The following CCDC40 variants were observed in gnomAD, a reference collection of about 807,000 sequenced individuals.
CCDC40 encodes coiled-coil domain-containing protein 40.
A neutral mutation model predicts 124.5 loss-of-function variants in CCDC40; 104 were observed. The ratio of observed to expected loss-of-function variants is 0.84; its 90% confidence interval spans 0.71 to 0.98. The LOEUF is 0.98. Ranked by LOEUF, CCDC40 falls within the 50% of genes least tolerant of loss-of-function variation. The pLI, the probability that CCDC40 is intolerant of heterozygous loss-of-function variation, is 0.00. For missense variants in CCDC40, 1,463 were observed against 1,503.9 expected, an observed-to-expected ratio of 0.97 and a Z score of 0.45; for synonymous variants, 580 against 602.9, an observed-to-expected ratio of 0.96 and a Z score of 0.56.
intron 10 of CCDC40, among the ~76,000 whole-genome samples, chr17:80,077,705 C>T (rs935211723): frequency 6.6e-6 from 1 of 152,202 alleles, no homozygotes; most frequent in African/African-American, 2.4e-5. Flanking sequence ...CATCGCCTTG[C>T]GGTCTGAGCC....
intron 7 of CCDC40, among the ~76,000 whole-genome samples, chr17:80,055,998 A>ATTT (rs1568682555): frequency 3.8e-4 from 2 of 5,304 alleles, no homozygotes; most frequent in Non-Finnish European, 9.2e-4. Flanking sequence ...ATATATATAT[A>ATTT]TATATATATA....
intron 1 of CCDC40, among the ~76,000 whole-genome samples, chr17:80,037,690 G>GATATATATATATAT (rs757748232): frequency 0.041 from 3,777 of 91,566 alleles, 342 homozygotes; most frequent in East Asian, 0.053. Context: ...TTTTAAAAAA[G>GATATATATATATAT]ATATACATAT....
Position 80,099,857 on chromosome 17 carries a change from G to A in CCDC40, c.*82G>A, listed in dbSNP as rs2038888452. ...TGTCATGAGGGACTTGGAATCTTTT[G>A]TGTTCCTAAAAACCACATGTACCCT... is the stretch of plus-strand genomic sequence containing the variant. On this transcript the variant is annotated 3_prime_UTR_variant, in exon 20 of 20. Coordinates refer to ENST00000397545, the MANE Select transcript of CCDC40 (RefSeq NM_017950.4). 2 of 1,526,972 alleles carry A rather than the reference G, an allele frequency of 1.3e-6. No individual in the cohort carries two copies. The highest frequency in any genetic ancestry group is 2.3e-5 in the South Asian group (2 of 87,210). The allele number at this position is 1,526,972 out of a possible 1,614,324, so 94.6% of individuals were successfully genotyped here.
At chr17:80,079,211 G>A (rs2038388142) in intron 10 of CCDC40, among the ~76,000 whole-genome samples, 1 of 152,092 alleles carries the variant, frequency 6.6e-6, no homozygotes, top group Admixed American at 6.6e-5. Flanking sequence ...TAGTCAGAAA[G>A]TACTTTCTTC....
Position 80,087,742 on chromosome 17 carries a change from G to C in CCDC40, c.2585G>C (p.Arg862Pro), listed in dbSNP as rs755608579. The change falls in exon 15 of 20, where the codon CGG (arginine) becomes CCG (proline). Residue 862 changes from arginine to proline, a missense_variant. Transcript: ENST00000397545. This position sits in a 1 kb window ranked among gnomAD's most constrained non-coding sequence, Gnocchi z 4.5. ...CSSEELEQNN[R>P]VTENEFVRSL... ...TCGGAGGAGCTGGAGCAGAACAACCGGGTGACAGAGAATGAGTTCGTGCGC... is the reference window on the plus strand; with the variant it reads ...TCGGAGGAGCTGGAGCAGAACAACCCGGTGACAGAGAATGAGTTCGTGCGC... 3.7e-6 allele frequency: 6 copies of C among 1,613,998 alleles called. No homozygotes were observed. The highest frequency in any genetic ancestry group is 5.1e-6 in the Non-Finnish European group (6 of 1,180,008).
At chr17:80,064,990 T>C (rs145913008) in intron 9 of CCDC40, among the ~76,000 whole-genome samples, 2,162 of 151,624 alleles carry the variant, frequency 0.014, 55 homozygotes, top group African/African-American at 0.05. Flanking sequence ...TCACGGATGC[T>C]GGCCAGGATC....
chr17:80,056,006 A>ATTTTTTT lies in CCDC40; in HGVS notation c.1160-2487_1160-2486insTTTTTTT, dbSNP rs1323101032. Among the ~76,000 whole-genome samples the ATTTTTTT allele has an allele frequency of 1.9e-3, 17 of 9,126 alleles. 1 individual carries two copies. The highest frequency in any genetic ancestry group is 3.2e-3 in the Admixed American group (1 of 316). 6.0% of individuals were successfully genotyped at this position (9,126 alleles called of 152,430 possible). On this transcript the variant is annotated intron_variant, in intron 7 of 19. Transcript: ENST00000397545. ...CATATATATATATATATATATATAT[A>ATTTTTTT]TATATATATATTTTTTTTTTTTTTT...
intron 10 of CCDC40, among the ~76,000 whole-genome samples, chr17:80,068,888 C>T (rs1415849561): frequency 1.3e-5 from 2 of 152,240 alleles, no homozygotes; most frequent in East Asian, 3.8e-4. Context: ...GGGGAGGACA[C>T]AGGAGCGGAT....
At position 80,086,059 on chromosome 17, in the gene CCDC40, C is replaced by T. The variant is rs758047721; in HGVS notation, c.2292C>T (p.Asp764=). ...TCAAAAGGCTGAGCAAGCTGATCGACGAGCACGATGGCAAGGCGGTCCAGG... is the reference window on the plus strand; with the variant it reads ...TCAAAAGGCTGAGCAAGCTGATCGATGAGCACGATGGCAAGGCGGTCCAGG... ...LEIKRLSKLI[D]EHDGKAVQAQ... The change falls in exon 14 of 20, where the codon GAC becomes GAT. Residue 764 remains aspartate, a synonymous_variant. Transcript: ENST00000397545. This position sits in a 1 kb window ranked among gnomAD's most constrained non-coding sequence, Gnocchi z 5.5. The T allele has an allele frequency of 7.6e-5, 122 of 1,614,128 alleles. No homozygotes were observed. Among genetic ancestry groups the T allele is most frequent in the Non-Finnish European group, 9.7e-5 (115 of 1,180,030 alleles).
In CCDC40 at chr17:80,066,466, A is replaced by G; in HGVS notation, c.1562+860A>G. The G allele has an allele frequency of 2.7e-6, 1 of 368,124 alleles. No individual in the cohort carries two copies. Among genetic ancestry groups the G allele is most frequent in the Non-Finnish European group, 5.0e-6 (1 of 201,898 alleles). 22.8% of individuals were successfully genotyped at this position (368,124 alleles called of 1,614,324 possible). A position where few individuals can be genotyped will look rare whatever the true frequency, so the allele number is the denominator to read the frequency against. ...AAATGAATAATATTGGATTAACCAT[A>G]CTCATTTCTGGCCAGGCGCAGTGGC... On this transcript the variant is annotated intron_variant, in intron 10 of 19. Transcript: ENST00000397545. This position sits in a 1 kb window ranked among gnomAD's most constrained non-coding sequence, Gnocchi z 4.4.
chr17:80,070,701 G>A (rs1283875376), intron 10 of CCDC40, among the ~76,000 whole-genome samples: 1 of 151,932 alleles, frequency 6.6e-6, no homozygotes, highest in Non-Finnish European at 1.5e-5. Context: ...GAGCCCAGGA[G>A]GTCGAGGCTG....
At chr17:80,079,048 C>T (rs1444297339) in intron 10 of CCDC40, among the ~76,000 whole-genome samples, 1 of 151,792 alleles carries the variant, frequency 6.6e-6, no homozygotes, top group Non-Finnish European at 1.5e-5. Context: ...ATTCTCATGC[C>T]TCAGTGTACC....
At chr17:80,061,416 G>A (rs943074684) in intron 9 of CCDC40, among the ~76,000 whole-genome samples, 6 of 152,188 alleles carry the variant, frequency 3.9e-5, no homozygotes, top group African/African-American at 1.4e-4. Flanking sequence ...GATTAAGGAC[G>A]CCACAAACCA....
Position 80,066,962 on chromosome 17 carries a change from G to A in CCDC40, c.1562+1356G>A, listed in dbSNP as rs2038062014. 6.6e-6 allele frequency: 1 copy of A among 152,634 alleles called. No individual in the cohort carries two copies. Among genetic ancestry groups the A allele is most frequent in the African/African-American group, 2.4e-5 (1 of 41,434 alleles). The allele number at this position is 152,634 out of a possible 1,614,324, so 9.5% of individuals were successfully genotyped here. On this transcript the variant is annotated intron_variant, in intron 10 of 19. Coordinates refer to ENST00000397545, the MANE Select transcript of CCDC40 (RefSeq NM_017950.4). This position sits in a 1 kb window ranked among gnomAD's most constrained non-coding sequence, Gnocchi z 4.4. ...GGTTGCCTGAACACCAGGACGAGAGGACTTGGCCATCTGCCCACTTGGGTG... is the reference window on the plus strand; with the variant it reads ...GGTTGCCTGAACACCAGGACGAGAGAACTTGGCCATCTGCCCACTTGGGTG...
In CCDC40 at chr17:80,040,206, A is replaced by T; in HGVS notation, c.488A>T (p.His163Leu). 6.2e-7 allele frequency: 1 copy of T among 1,614,036 alleles called. No homozygotes were observed. The highest frequency in any genetic ancestry group is 8.5e-7 in the Non-Finnish European group (1 of 1,179,978). The change falls in exon 3 of 20, where the codon CAC becomes CTC. Residue 163 changes from histidine to leucine, a missense_variant. Physicochemically the swap from His to Leu is moderately conservative, Grantham distance 99 (BLOSUM62 -3). Coordinates refer to ENST00000397545, the MANE Select transcript of CCDC40 (RefSeq NM_017950.4). ...AGGGTCACCTCCCCAGAGCCATCCC[A>T]CGGAGTCTTAGGCCCGTCGGAGCAA... ...ERRVTSPEPS[H>L]GVLGPSEQMG...
intron 7 of CCDC40, among the ~76,000 whole-genome samples, chr17:80,053,018 A>G (rs1180592410): frequency 2.0e-5 from 3 of 152,274 alleles, no homozygotes; most frequent in Non-Finnish European, 4.4e-5. Context: ...GAAATAGAGC[A>G]AAACCCCAAA....
chr17:80,087,287 A>C lies in CCDC40; in HGVS notation c.2450-320A>C. 4.7e-6 allele frequency: 2 copies of C among 429,208 alleles called. No individual in the cohort carries two copies. The highest frequency in any genetic ancestry group is 5.0e-5 in the East Asian group (1 of 20,114). 26.6% of individuals were successfully genotyped at this position (429,208 alleles called of 1,614,324 possible). On this transcript the variant is annotated intron_variant, in intron 14 of 19. Transcript: ENST00000397545. The surrounding 1 kb of genome is among the most constrained non-coding windows in gnomAD (Gnocchi z 4.5). ...GGTCCCGGTGCTCCACAGATTTGCA[A>C]GTGTCTGGGGGAGGGAGCCTGGCCC...
chr17:80,039,871 G>A lies in CCDC40; in HGVS notation c.153G>A (p.Glu51=), dbSNP rs1367758934. 1 of 1,614,014 alleles carries A rather than the reference G, an allele frequency of 6.2e-7. No individual in the cohort carries two copies. The change falls in exon 3 of 20, where the codon GAG becomes GAA. Residue 51 remains glutamate (E), a synonymous_variant. Transcript: ENST00000397545. The stretch of plus-strand genomic sequence containing the variant: ...GTGAAGAAGCTGTCGGTAGCACAGA[G>A]CATCCTGAGGAAGTCACAACCCAAG... ...QKGEEAVGST[E]HPEEVTTQAE...
At chr17:80,070,597 T>G (rs1216330423) in intron 10 of CCDC40, among the ~76,000 whole-genome samples, 2 of 151,858 alleles carry the variant, frequency 1.3e-5, no homozygotes, top group Non-Finnish European at 2.9e-5. Context: ...CAAGACCCTG[T>G]CTCTCAAAAA....
Sources: allele counts gnomAD v4.1 joint callset (sites outside exome capture counted in the v4.1 genomes callset), GRCh38; gene constraint gnomAD v4.1.1; non-coding constraint Gnocchi (gnomAD v3.1); transcripts MANE v1.5; gene names NCBI Gene and HGNC (gene_info 2026-07-23, HGNC 2026-07-21).